Variants in PIANP observed in about 807,000 individuals in gnomAD.
PIANP encodes the protein PILR alpha-associated neural protein.
In PIANP, 14 loss-of-function variants were observed where a neutral mutation model predicts 28.9. That is an observed-to-expected ratio of 0.49 (90% CI 0.32 to 0.76). PIANP has a LOEUF of 0.76. PIANP is among the 30% of genes least tolerant of loss of function. The probability of loss-of-function intolerance (pLI) is 0.03; values close to 1 mark genes in which losing one functional copy is unlikely to be tolerated. For missense variants in PIANP, 322 were observed against 371.8 expected, an observed-to-expected ratio of 0.87 and a Z score of 1.10; for synonymous variants, 149 against 156.6, an observed-to-expected ratio of 0.95 and a Z score of 0.36.
chr12:6,692,527 T>C (rs908277297), downstream of PIANP, among the ~76,000 whole-genome samples: 27 of 152,162 alleles, frequency 1.8e-4, no homozygotes, highest in African/African-American at 3.4e-4. Flanking sequence ...CGGCCCACAG[T>C]GTATACCATC....
At position 6,697,421 on chromosome 12, in the gene PIANP, T is replaced by G; in HGVS notation, c.389A>C (p.Tyr130Ser). The change falls in exon 3 of 5, where the codon TAT becomes TCT. Residue 130 changes from tyrosine to serine, a missense_variant. Transcript: ENST00000534837. The surrounding 1 kb of genome is among the most constrained non-coding windows in gnomAD (Gnocchi z 6.9). ...PNSANPGFLD[Y>S]GFAAPHGLAT... ...GAGCCCATGAGGGGCTGCAAAACCA[T>G]AGTCCAGAAATCCGGGATTGGCAGA... 6.2e-7 allele frequency: 1 copy of G among 1,614,012 alleles called. No homozygotes were observed. The highest frequency in any genetic ancestry group is 8.5e-7 in the Non-Finnish European group (1 of 1,179,880).
rs777660263 is a variant in PIANP, at chr12:6,697,295, C to T, written c.515G>A (p.Arg172His). 40 of 1,613,580 alleles carry T rather than the reference C, an allele frequency of 2.5e-5. No individual in the cohort carries two copies. The highest frequency in any genetic ancestry group is 1.6e-4 in the Middle Eastern group (1 of 6,080). Residue 172 changes from arginine (R) to histidine (H), a missense_variant, in exon 3 of 5, where the codon CGT (arginine) becomes CAT (histidine). Physicochemically the swap from Arg to His is conservative, Grantham distance 29. Transcript: ENST00000534837. This position sits in a 1 kb window ranked among gnomAD's most constrained non-coding sequence, Gnocchi z 6.9. ...ATLRPFLFGG[R>H]GEGVDPQLYV... ...CAGCCTTTCCCACTCACCTTCCCCACGGCCCCCGAACAGGAATGGCCGCAG... is the reference window on the plus strand; with the variant it reads ...CAGCCTTTCCCACTCACCTTCCCCATGGCCCCCGAACAGGAATGGCCGCAG...
chr12:6,693,197 C>A (rs978040384), downstream of PIANP, among the ~76,000 whole-genome samples: 8 of 152,002 alleles, frequency 5.3e-5, no homozygotes, highest in East Asian at 1.4e-3. Flanking sequence ...CCAAAAACAC[C>A]CCTTGATCCC....
rs769078820 is a variant in PIANP, at chr12:6,696,275, C to T, written c.605+168G>A. Among the ~76,000 whole-genome samples the T allele has an allele frequency of 3.3e-5, 5 of 152,116 alleles. No individual in the cohort carries two copies. The highest frequency in any genetic ancestry group is 2.1e-4 in the South Asian group (1 of 4,824). On this transcript the variant is annotated intron_variant, in intron 4 of 4. Coordinates refer to ENST00000534837, the MANE Select transcript of PIANP (RefSeq NM_001244014.2). This position sits in a 1 kb window ranked among gnomAD's most constrained non-coding sequence, Gnocchi z 4.0. ...GACAGAATCTGCCCTGATTTCTCAC[C>T]GTCTTCCCCCAGCCAAATCCTTAAT...
chr12:6,697,672 CGGG>C lies in PIANP; in HGVS notation c.135_137del (p.Pro46del). ...GGGCCGAGGGGCCTCCCCTGGCACA[CGGG>C]GGGCGGGCTGGGGCTGGTGGGGTTC... is the stretch of plus-strand genomic sequence containing the variant. On this transcript the variant is annotated inframe_deletion, in exon 3 of 5. Transcript: ENST00000534837. The surrounding 1 kb of genome is among the most constrained non-coding windows in gnomAD (Gnocchi z 6.9). The C allele has an allele frequency of 8.1e-7, 1 of 1,239,220 alleles. No homozygotes were observed. The highest frequency in any genetic ancestry group is 1.0e-6 in the Non-Finnish European group (1 of 957,036). 76.8% of individuals were successfully genotyped at this position (1,239,220 alleles called of 1,614,324 possible).
At chr12:6,699,159 C>T (rs1959971953) in intron 1 of PIANP, among the ~76,000 whole-genome samples, 1 of 152,072 alleles carries the variant, frequency 6.6e-6, no homozygotes, top group African/African-American at 2.4e-5. Context: ...CAGAAGAATC[C>T]CTTGAACCTG....
At chr12:6,693,083 G>A (rs1394320868), downstream of PIANP, among the ~76,000 whole-genome samples, 3 of 152,182 alleles carry the variant, frequency 2.0e-5, no homozygotes, top group East Asian at 5.8e-4. Context: ...AGCAACAGCT[G>A]AGAGGCTGAT....
At position 6,696,913 on chromosome 12, in the gene PIANP, G is replaced by A. The variant is rs763749215; in HGVS notation, c.523+374C>T. On this transcript the variant is annotated intron_variant, in intron 3 of 4. Coordinates refer to ENST00000534837, the MANE Select transcript of PIANP (RefSeq NM_001244014.2). This position sits in a 1 kb window ranked among gnomAD's most constrained non-coding sequence, Gnocchi z 4.0. ...CCTGAGCCAAGACATCTCCCGGGTA[G>A]TGCCCTTCATTCATGGCATTCTCTG... Among the ~76,000 whole-genome samples, 36 of 152,154 alleles carry A rather than the reference G, an allele frequency of 2.4e-4. No homozygotes were observed. Among genetic ancestry groups the A allele is most frequent in the Non-Finnish European group, 4.7e-4 (32 of 68,016 alleles).
rs891417273 is a variant in PIANP, at chr12:6,696,908, G to A, written c.523+379C>T. 9.2e-5 allele frequency among the ~76,000 whole-genome samples: 14 copies of A among 152,108 alleles called. No homozygotes were observed. Among genetic ancestry groups the A allele is most frequent in the Admixed American group, 1.3e-4 (2 of 15,272 alleles). On this transcript the variant is annotated intron_variant, in intron 3 of 4. Coordinates refer to ENST00000534837, the MANE Select transcript of PIANP (RefSeq NM_001244014.2). This position sits in a 1 kb window ranked among gnomAD's most constrained non-coding sequence, Gnocchi z 4.0. ...CACTCCCTGAGCCAAGACATCTCCC[G>A]GGTAGTGCCCTTCATTCATGGCATT...
chr12:6,693,020 T>C (rs1203455036), downstream of PIANP, among the ~76,000 whole-genome samples: 3 of 152,036 alleles, frequency 2.0e-5, no homozygotes, highest in East Asian at 3.9e-4. Context: ...GGGGCACAGA[T>C]TGGGGGAGGG....
Position 6,696,315 on chromosome 12 carries a change from G to T in PIANP, c.605+128C>A. 1 of 632,190 alleles carries T rather than the reference G, an allele frequency of 1.6e-6. No individual in the cohort carries two copies. The highest frequency in any genetic ancestry group is 3.2e-5 in the East Asian group (1 of 31,634). 39.2% of individuals were successfully genotyped at this position (632,190 alleles called of 1,614,324 possible). Reference sequence around the variant, plus strand: ...AAATCCTTAATTATCTTTTCCCAAGGTCTTGCCTTCATCCAGCATTTCCCA... The same window carrying T: ...AAATCCTTAATTATCTTTTCCCAAGTTCTTGCCTTCATCCAGCATTTCCCA... On this transcript the variant is annotated intron_variant, in intron 4 of 4. Transcript: ENST00000534837. The surrounding 1 kb of genome is among the most constrained non-coding windows in gnomAD (Gnocchi z 4.0).
At chr12:6,699,175 C>T (rs1423739338) in intron 1 of PIANP, among the ~76,000 whole-genome samples, 3 of 152,028 alleles carry the variant, frequency 2.0e-5, no homozygotes, top group African/African-American at 7.3e-5. Flanking sequence ...ACCTGGGAGG[C>T]GGAGGTTGCA....
Position 6,694,979 on chromosome 12 carries a change from TG to T in PIANP, c.*446del. 1 of 1,516,868 alleles carries T rather than the reference TG, an allele frequency of 6.6e-7. No homozygotes were observed. Among genetic ancestry groups the T allele is most frequent in the Non-Finnish European group, 8.9e-7 (1 of 1,127,796 alleles). The allele number at this position is 1,516,868 out of a possible 1,614,324, so 94.0% of individuals were successfully genotyped here. On this transcript the variant is annotated 3_prime_UTR_variant, in exon 5 of 5. Transcript: ENST00000534837. The surrounding 1 kb of genome is among the most constrained non-coding windows in gnomAD (Gnocchi z 6.1). ...CACAGCTGCCCCACCCTCAGTGGGA[TG>T]GGGGCTGTGCCGGCCCCTTGGCCTC...
At position 6,697,250 on chromosome 12, in the gene PIANP, C is replaced by T; in HGVS notation, c.523+37G>A. On this transcript the variant is annotated intron_variant, in intron 3 of 4. Coordinates refer to ENST00000534837, the MANE Select transcript of PIANP (RefSeq NM_001244014.2). This position sits in a 1 kb window ranked among gnomAD's most constrained non-coding sequence, Gnocchi z 6.9. ...CCCCTTGGTGTCTTCACCCAGCCTC[C>T]CCATCCGTCATATCCCTCCCAGCCT... The T allele has an allele frequency of 1.2e-6, 2 of 1,603,850 alleles. No individual in the cohort carries two copies. Among genetic ancestry groups the T allele is most frequent in the Non-Finnish European group, 1.7e-6 (2 of 1,177,092 alleles).
rs753000806 is a variant in PIANP, at chr12:6,697,365, G to A, written c.445C>T (p.Arg149Ter). The A allele has an allele frequency of 5.0e-6, 8 of 1,613,896 alleles. No homozygotes were observed. The highest frequency in any genetic ancestry group is 6.8e-6 in the Non-Finnish European group (8 of 1,179,888). ...ATPHPNSDSMRGDGDGLILGE... is the reference protein window; with the variant it reads ...ATPHPNSDSM Reference sequence around the variant, plus strand: ...AGGATAAGCCCATCTCCATCACCTCGCATGGAGTCTGAGTTGGGGTGTGGG... The same window carrying A: ...AGGATAAGCCCATCTCCATCACCTCACATGGAGTCTGAGTTGGGGTGTGGG... The change falls in exon 3 of 5, where the codon CGA becomes TGA. Residue 149 changes from arginine to a stop codon, truncating the protein, a stop_gained. Coordinates refer to ENST00000534837, the MANE Select transcript of PIANP (RefSeq NM_001244014.2). LOFTEE classifies it high-confidence loss of function. This position sits in a 1 kb window ranked among gnomAD's most constrained non-coding sequence, Gnocchi z 6.9.
At position 6,700,598 on chromosome 12, in the gene PIANP, G is replaced by C. The variant is rs1960026708; in HGVS notation, c.-44+16C>G. 6.5e-6 allele frequency: 1 copy of C among 152,942 alleles called. No individual in the cohort carries two copies. Among genetic ancestry groups the C allele is most frequent in the Non-Finnish European group, 1.5e-5 (1 of 68,704 alleles). 9.5% of individuals were successfully genotyped at this position (152,942 alleles called of 1,614,324 possible). A position where few individuals can be genotyped will look rare whatever the true frequency, so the allele number is the denominator to read the frequency against. On this transcript the variant is annotated intron_variant, in intron 1 of 4. Coordinates refer to ENST00000534837, the MANE Select transcript of PIANP (RefSeq NM_001244014.2). This position sits in a 1 kb window ranked among gnomAD's most constrained non-coding sequence, Gnocchi z 5.5. ...GGCTCCCCGCGGGTGGGGGCGTGGGGGTCCCTCTCACTCACCTGCATGCTT... is the reference window on the plus strand; with the variant it reads ...GGCTCCCCGCGGGTGGGGGCGTGGGCGTCCCTCTCACTCACCTGCATGCTT...
At position 6,694,904 on chromosome 12, in the gene PIANP, G is replaced by A. The variant is rs1007432914; in HGVS notation, c.*522C>T. 7.1e-6 allele frequency: 8 copies of A among 1,129,710 alleles called. No homozygotes were observed. The highest frequency in any genetic ancestry group is 3.2e-5 in the African/African-American group (2 of 63,258). The allele number at this position is 1,129,710 out of a possible 1,614,324, so 70.0% of individuals were successfully genotyped here. Reference sequence around the variant, plus strand: ...TGCCCGTGGGGCTGGGGAGTGTTCCGGGTGGTGTGCAAGGGGCAGGAGCCA... The same window carrying A: ...TGCCCGTGGGGCTGGGGAGTGTTCCAGGTGGTGTGCAAGGGGCAGGAGCCA... On this transcript the variant is annotated 3_prime_UTR_variant, in exon 5 of 5. Transcript: ENST00000534837. The surrounding 1 kb of genome is among the most constrained non-coding windows in gnomAD (Gnocchi z 6.1).
Sources: allele counts gnomAD v4.1 joint callset (sites outside exome capture counted in the v4.1 genomes callset), GRCh38; gene constraint gnomAD v4.1.1; non-coding constraint Gnocchi (gnomAD v3.1); transcripts MANE v1.5; gene names NCBI Gene and HGNC (gene_info 2026-07-23, HGNC 2026-07-21).